The following ATAD2B variants were observed in gnomAD, a reference collection of about 807,000 sequenced individuals.
The protein encoded by ATAD2B is ATPase family AAA domain-containing protein 2B.
ATAD2B carries 40 observed loss-of-function variants against 167.6 expected under a neutral mutation model. The observed-to-expected ratio is 0.24, with a 90% CI of 0.19 to 0.31. The LOEUF (loss-of-function observed/expected upper bound fraction) is 0.31. ATAD2B is among the 10% of genes least tolerant of loss of function. The pLI, the probability that ATAD2B is intolerant of heterozygous loss-of-function variation, is 1.00. For missense variants in ATAD2B, 1,242 were observed against 1,757.2 expected, an observed-to-expected ratio of 0.71 and a Z score of 5.24; for synonymous variants, 579 against 596.5, an observed-to-expected ratio of 0.97 and a Z score of 0.43.
intron 5 of ATAD2B, 37 bp from the exon 6 acceptor site, chr2:23,884,910 C>T: frequency 7.5e-7 from 1 of 1,334,354 alleles, no homozygotes; most frequent in Non-Finnish European, 1.0e-6. Flanking sequence ...AGCAACATGA[C>T]ATTTATTCTC....
chr2:23,921,199 C>T (rs977105281), intron 1 of ATAD2B, among the ~76,000 whole-genome samples: 2 of 83,704 alleles, frequency 2.4e-5, no homozygotes, highest in African/African-American at 9.7e-5. Context: ...GAGTAAGACT[C>T]CATCTCAAAA....
chr2:23,839,597 T>C (rs1280345005), intron 13 of ATAD2B, among the ~76,000 whole-genome samples: 1 of 152,110 alleles, frequency 6.6e-6, no homozygotes, highest in East Asian at 1.9e-4. Flanking sequence ...ATCAATTTAG[T>C]CATAATATAT....
At chr2:23,920,861 A>G (rs1011866515) in intron 1 of ATAD2B, among the ~76,000 whole-genome samples, 6 of 152,222 alleles carry the variant, frequency 3.9e-5, no homozygotes, top group Admixed American at 3.3e-4. Flanking sequence ...GAGGAGGCAC[A>G]AAAGAAGTGT....
chr2:23,723,128 C>T, the ATAD2B span, among the ~76,000 whole-genome samples: 4 of 152,046 alleles, frequency 2.6e-5, no homozygotes, highest in Admixed American at 6.5e-5. Flanking sequence ...CCCATCTCTA[C>T]AAAAAGTACA....
chr2:23,862,267 G>A (rs1445104895), intron 12 of ATAD2B, among the ~76,000 whole-genome samples: 3 of 152,004 alleles, frequency 2.0e-5, no homozygotes, highest in Non-Finnish European at 2.9e-5. Context: ...TCAGTAATGG[G>A]TGCTCAAAGC....
chr2:23,783,507 A>G (rs1033952229), intron 21 of ATAD2B, among the ~76,000 whole-genome samples: 5 of 152,046 alleles, frequency 3.3e-5, no homozygotes, highest in African/African-American at 1.2e-4. Flanking sequence ...CATGGAAAGT[A>G]TTTTCCACTC....
chr2:23,769,155 T>C (rs919171594), intron 22 of ATAD2B, among the ~76,000 whole-genome samples: 1 of 152,030 alleles, frequency 6.6e-6, no homozygotes, highest in African/African-American at 2.4e-5. Context: ...TAAAATGAGG[T>C]AGTGGCCGAG....
chr2:23,698,730 T>C, the ATAD2B span, among the ~76,000 whole-genome samples: 2 of 152,198 alleles, frequency 1.3e-5, no homozygotes, highest in Non-Finnish European at 2.9e-5. Flanking sequence ...GGATAAATGA[T>C]AGCAGAACGC....
chr2:23,728,451 T>C, the ATAD2B span, among the ~76,000 whole-genome samples: 18 of 152,288 alleles, frequency 1.2e-4, no homozygotes, highest in African/African-American at 4.3e-4. Flanking sequence ...TTATGACTTT[T>C]GTGACTATGT....
Position 23,823,465 on chromosome 2 carries a change from C to T in ATAD2B, c.1924G>A (p.Asp642Asn), listed in dbSNP as rs1687779647. 4.3e-6 allele frequency: 7 copies of T among 1,613,860 alleles called. No homozygotes were observed. The highest frequency in any genetic ancestry group is 5.9e-6 in the Non-Finnish European group (7 of 1,179,894). Residue 642 changes from aspartate to asparagine, a missense_variant, in exon 16 of 28, where the codon GAT (aspartate) becomes AAT (asparagine). By Grantham distance (23) the Asp-to-Asn change is conservative (BLOSUM62 1). This residue lies in a region of ATAD2B where 151 missense variants were observed against 284.1 expected (regional missense o/e 0.53). Transcript: ENST00000238789. Reference protein sequence around the residue: ...IYASSHKLQLDVSSIVLSAQD... With the variant: ...IYASSHKLQLNVSSIVLSAQD... ...GCACTAAGCACTATTGAGGAAACAT[C>T]CAGCTGCAGTTTATGACTGCTAGCA...
At chr2:23,800,892 A>T (rs895929966) in intron 18 of ATAD2B, among the ~76,000 whole-genome samples, 3 of 152,124 alleles carry the variant, frequency 2.0e-5, no homozygotes, top group South Asian at 2.1e-4. Flanking sequence ...ATGGAAAAAT[A>T]AAAAGGCTTC....
At chr2:23,856,425 T>G (rs1446428652) in intron 13 of ATAD2B, 4 of 400,246 alleles carry the variant, frequency 1.0e-5, no homozygotes, top group Non-Finnish European at 2.0e-5. Flanking sequence ...TGTAGCAGGT[T>G]GAGCATTATC....
At chr2:23,909,446 A>G (rs1370818924) in intron 1 of ATAD2B, among the ~76,000 whole-genome samples, 1 of 151,362 alleles carries the variant, frequency 6.6e-6, no homozygotes, top group Non-Finnish European at 1.5e-5. Flanking sequence ...ATACATATAT[A>G]TATATACACA....
chr2:23,850,418 T>C (rs575411382), intron 13 of ATAD2B, among the ~76,000 whole-genome samples: 4 of 152,236 alleles, frequency 2.6e-5, no homozygotes, highest in African/African-American at 7.2e-5. Context: ...TCAATGCCTA[T>C]ATTAGAAAAA....
chr2:23,877,527 G>T (rs1241266157), intron 7 of ATAD2B, among the ~76,000 whole-genome samples: 1 of 92,598 alleles, frequency 1.1e-5, no homozygotes, highest in Non-Finnish European at 2.2e-5. Context: ...GGAGGGAAGG[G>T]GAGGGGAGGG....
chr2:23,858,551 G>C (rs2712082), intron 12 of ATAD2B, among the ~76,000 whole-genome samples: 5,737 of 149,938 alleles, frequency 0.038, 108 homozygotes, highest in Admixed American at 0.046. Context: ...GAGTGCAGTG[G>C]CATGATCACA....
At chr2:23,858,698 G>A (rs112560532) in intron 12 of ATAD2B, among the ~76,000 whole-genome samples, 5 of 150,720 alleles carry the variant, frequency 3.3e-5, no homozygotes, top group African/African-American at 1.2e-4. Flanking sequence ...GCCCGGGATG[G>A]TCTCAAACTC....
At chr2:23,696,145 C>A in the ATAD2B span, 1 of 1,549,052 alleles carries the variant, frequency 6.5e-7, no homozygotes, top group Non-Finnish European at 8.7e-7. The surrounding 1 kb of genome is among the most constrained non-coding windows in gnomAD (Gnocchi z 5.5). Flanking sequence ...TGAGGCCCCC[C>A]GGGGTTGGGG....
chr2:23,697,234 GTGCTTCCGGA>G, the ATAD2B span: 1 of 152,264 alleles, frequency 6.6e-6, no homozygotes, highest in Non-Finnish European at 1.5e-5. Context: ...GCTGAAGTGG[GTGCTTCCGGA>G]TGAGAATACA....
Sources: gnomAD v4.1 joint callset for allele counts (sites outside exome capture counted in the v4.1 genomes callset) on GRCh38, gnomAD v4.1.1 for gene constraint, gnomAD v4.1.1 regional missense constraint, Gnocchi (gnomAD v3.1) non-coding constraint, MANE v1.5 for transcripts, NCBI Gene and HGNC (gene_info 2026-07-23, HGNC 2026-07-21) for gene names.